ZNF98: variants seen among roughly 807,000 people sequenced by gnomAD.
ZNF98 encodes zinc finger protein 98, also known as zinc finger protein 739.
In ZNF98, 8 loss-of-function variants were observed where a neutral mutation model predicts 12.8. That is an observed-to-expected ratio of 0.63 (90% CI 0.37 to 1.13). The LOEUF (loss-of-function observed/expected upper bound fraction) is 1.13. Ranked by LOEUF, ZNF98 falls within the 50% of genes most tolerant of loss-of-function variation. The pLI is 0.01. For missense variants in ZNF98, 379 were observed against 666.1 expected (o/e 0.57, Z 4.74); for synonymous variants, 112 against 223.5 (o/e 0.50, Z 4.45).
Position 22,391,718 on chromosome 19 carries a change from G to T in ZNF98, c.1517C>A (p.Thr506Asn), listed in dbSNP as rs759606884. ...GKAFNQSSHL[T>N]THKMIHTGEK... ...TCCAGTATGAATCATCTTATGTGTA[G>T]TAAGGTGTGAGGACTGGTTAAAAGC... is the stretch of plus-strand genomic sequence containing the variant. Residue 506 changes from threonine to asparagine, a missense_variant, in exon 4 of 4, where the codon ACT becomes AAT. Transcript: ENST00000357774. 4 of 1,613,888 alleles carry T rather than the reference G, an allele frequency of 2.5e-6. No individual in the cohort carries two copies. The highest frequency in any genetic ancestry group is 3.4e-6 in the Non-Finnish European group (4 of 1,179,970).
At chr19:22,406,879 A>T (rs1313113254) in intron 1 of ZNF98, among the ~76,000 whole-genome samples, 1 of 152,054 alleles carries the variant, frequency 6.6e-6, no homozygotes, top group Non-Finnish European at 1.5e-5. Context: ...CTCTTCTCCA[A>T]ATGATTGCAA....
At chr19:22,413,134 A>T (rs550489420) in intron 1 of ZNF98, among the ~76,000 whole-genome samples, 87 of 152,264 alleles carry the variant, frequency 5.7e-4, no homozygotes, top group African/African-American at 2.0e-3. Context: ...CAACATACTG[A>T]ATACACATAA....
At chr19:22,416,952 G>A (rs1969650646) in intron 1 of ZNF98, among the ~76,000 whole-genome samples, 1 of 151,962 alleles carries the variant, frequency 6.6e-6, no homozygotes, top group Non-Finnish European at 1.5e-5. Flanking sequence ...AGCTGAGGCT[G>A]GGCACAGTGG....
At chr19:22,402,268 A>G (rs1969468293) in intron 3 of ZNF98, 1 of 315,962 alleles carries the variant, frequency 3.2e-6, no homozygotes, top group Non-Finnish European at 5.7e-6. Flanking sequence ...AATCTTGAAA[A>G]AAAAAGGACA....
At chr19:22,420,393 A>T (rs993018059) in intron 1 of ZNF98, among the ~76,000 whole-genome samples, 7 of 151,822 alleles carry the variant, frequency 4.6e-5, no homozygotes, top group Non-Finnish European at 8.8e-5. Flanking sequence ...GTCTTTTGGG[A>T]TACTATTTTT....
chr19:22,398,993 G>A (rs1181891117), intron 3 of ZNF98, among the ~76,000 whole-genome samples: 1 of 152,080 alleles, frequency 6.6e-6, no homozygotes, highest in Non-Finnish European at 1.5e-5. Context: ...TAGAGATAAG[G>A]CTGATTTATC....
intron 1 of ZNF98, among the ~76,000 whole-genome samples, chr19:22,410,269 T>G (rs549287881): frequency 6.8e-4 from 103 of 152,270 alleles, no homozygotes; most frequent in African/African-American, 2.4e-3. Flanking sequence ...CAAAGAAATA[T>G]AAATCATTCT....
intron 1 of ZNF98, among the ~76,000 whole-genome samples, chr19:22,421,704 C>T (rs1296430257): frequency 1.3e-5 from 2 of 152,204 alleles, no homozygotes; most frequent in East Asian, 3.8e-4. Context: ...CCACAAACTA[C>T]AACCCATAGC....
intron 1 of ZNF98, among the ~76,000 whole-genome samples, chr19:22,411,107 A>C (rs34178692): frequency 6.6e-6 from 1 of 152,094 alleles, no homozygotes; most frequent in Non-Finnish European, 1.5e-5. Context: ...CAGTGGCGAG[A>C]TCTGCACTTA....
intron 1 of ZNF98, among the ~76,000 whole-genome samples, chr19:22,410,796 G>A (rs1969572568): frequency 6.6e-6 from 1 of 152,158 alleles, no homozygotes; most frequent in African/African-American, 2.4e-5. Flanking sequence ...GGGTCCATGA[G>A]TGGGTGTTTT....
At chr19:22,411,009 GC>G (rs1401542701) in intron 1 of ZNF98, among the ~76,000 whole-genome samples, 1 of 152,056 alleles carries the variant, frequency 6.6e-6, no homozygotes, top group Non-Finnish European at 1.5e-5. Flanking sequence ...ACAGAAAGTA[GC>G]AATATCTGAC....
At chr19:22,394,399 C>A (rs550149416) in intron 3 of ZNF98, among the ~76,000 whole-genome samples, 1 of 151,980 alleles carries the variant, frequency 6.6e-6, no homozygotes, top group Non-Finnish European at 1.5e-5. Context: ...ACATTTATTG[C>A]GGCACTATTC....
intron 1 of ZNF98, among the ~76,000 whole-genome samples, chr19:22,413,531 G>A (rs182821696): frequency 1.6e-4 from 25 of 152,192 alleles, no homozygotes; most frequent in Non-Finnish European, 3.5e-4. Context: ...GCTAACCAGG[G>A]AGGTCAAAGA....
intron 1 of ZNF98, among the ~76,000 whole-genome samples, chr19:22,404,297 T>C (rs1289625440): frequency 6.6e-6 from 1 of 152,254 alleles, no homozygotes; most frequent in African/African-American, 2.4e-5. Context: ...GTAATGCCCA[T>C]GTTTTTGGTC....
intron 1 of ZNF98, among the ~76,000 whole-genome samples, chr19:22,408,019 C>CGA (rs1258806645): frequency 6.6e-6 from 1 of 151,954 alleles, no homozygotes; most frequent in African/African-American, 2.4e-5. Context: ...TGCAGTGAGC[C>CGA]GAGATCACGC....
In ZNF98 at chr19:22,402,038, T is replaced by C. The variant is rs1969463443; in HGVS notation, c.253+751A>G. Reference sequence around the variant, plus strand: ...TAAAAATATAAAAATTAGCCAGGCATGGTGGCTCGCGCCTGTATTCCCAGC... The same window carrying C: ...TAAAAATATAAAAATTAGCCAGGCACGGTGGCTCGCGCCTGTATTCCCAGC... On this transcript the variant is annotated intron_variant, in intron 3 of 3. Coordinates refer to ENST00000357774, the MANE Select transcript of ZNF98 (RefSeq NM_001098626.2). Among the ~76,000 whole-genome samples, 10 of 150,578 alleles carry C rather than the reference T, an allele frequency of 6.6e-5. No individual in the cohort carries two copies. The South Asian group carries it at 2.1e-3, about 32-fold the overall frequency.
chr19:22,422,190 C>G lies in ZNF98; in HGVS notation c.30+5G>C. The G allele has an allele frequency of 6.2e-7, 1 of 1,613,036 alleles. No homozygotes were observed. The highest frequency in any genetic ancestry group is 8.5e-7 in the Non-Finnish European group (1 of 1,179,272). ...CTCTAGGGATGTCGGACTCGGCACT[C>G]TCACCATTTCTAGGCTTCCAAGGGG... is the stretch of plus-strand genomic sequence containing the variant. On this transcript the variant is annotated splice_donor_5th_base_variant and intron_variant, in intron 1 of 3. Coordinates refer to ENST00000357774, the MANE Select transcript of ZNF98 (RefSeq NM_001098626.2).
intron 1 of ZNF98, 39 bp from the exon 2 acceptor site, chr19:22,403,551 G>A (rs1426442692): frequency 5.2e-6 from 8 of 1,546,464 alleles, no homozygotes; most frequent in Non-Finnish European, 6.9e-6. Context: ...TTTACCAAGT[G>A]GCCATAAACA....
At chr19:22,417,941 GGGCAGTGTGACA>G (rs1384403833) in intron 1 of ZNF98, among the ~76,000 whole-genome samples, 1 of 152,224 alleles carries the variant, frequency 6.6e-6, no homozygotes, top group East Asian at 1.9e-4. Context: ...ACAGGACAAT[GGGCAGTGTGACA>G]GCCTGTGTAC....
Sources: gnomAD v4.1 joint callset for allele counts (sites outside exome capture counted in the v4.1 genomes callset) on GRCh38, gnomAD v4.1.1 for gene constraint, MANE v1.5 for transcripts, NCBI Gene and HGNC (gene_info 2026-07-23, HGNC 2026-07-21) for gene names.